SEL1L3: variants seen among roughly 807,000 people sequenced by gnomAD.
The protein encoded by SEL1L3 is protein sel-1 homolog 3.
A neutral mutation model predicts 142.8 loss-of-function variants in SEL1L3; 76 were observed. The observed-to-expected ratio is 0.53, with a 90% confidence interval of 0.44 to 0.64. SEL1L3 has a LOEUF of 0.64. Ranked by LOEUF, SEL1L3 falls within the 30% of genes least tolerant of loss-of-function variation. The pLI is 0.00. For synonymous variants in SEL1L3, 504 were observed against 519.6 expected (o/e 0.97, Z 0.41); for missense variants, 1,262 against 1,381.7 (o/e 0.91, Z 1.37).
In SEL1L3 at chr4:25,783,437, T is replaced by C. The variant is rs1216890776; in HGVS notation, c.2280+791A>G. Among the ~76,000 whole-genome samples, 9 of 152,146 alleles carry C rather than the reference T, an allele frequency of 5.9e-5. 1 individual carries two copies. The highest frequency in any genetic ancestry group is 5.9e-4 in the Admixed American group (9 of 15,274). ...AAATTCAGCATGGTCATTTTAGGAG[T>C]CTTCATCGTTAAGGCAAATATTGGC... On this transcript the variant is annotated intron_variant, in intron 14 of 23. Transcript: ENST00000399878.
At chr4:25,767,996 A>G (rs757187879) in intron 17 of SEL1L3, among the ~76,000 whole-genome samples, 166 bp from the exon 18 acceptor site, 1 of 152,092 alleles carries the variant, frequency 6.6e-6, no homozygotes, top group Non-Finnish European at 1.5e-5. Context: ...TACTGCATGC[A>G]CTGATTTATT....
intron 11 of SEL1L3, among the ~76,000 whole-genome samples, chr4:25,801,859 G>T (rs558546416): frequency 6.6e-6 from 1 of 152,256 alleles, no homozygotes; most frequent in East Asian, 1.9e-4. Flanking sequence ...GACATTGCTT[G>T]CTCATCACAC....
At chr4:25,850,646 T>C (rs1213534687) in intron 1 of SEL1L3, among the ~76,000 whole-genome samples, 1 of 151,590 alleles carries the variant, frequency 6.6e-6, no homozygotes, top group East Asian at 1.9e-4. Flanking sequence ...TTCACACCAG[T>C]ACAGTTTGCA....
chr4:25,765,449 A>C lies in SEL1L3; in HGVS notation c.2846-14T>G. ...TCTTCAAATATGCTGCAGGAAATAAAGCACAGATCCATTTGTCAAGTGGTT... is the reference window on the plus strand; with the variant it reads ...TCTTCAAATATGCTGCAGGAAATAACGCACAGATCCATTTGTCAAGTGGTT... On this transcript the variant is annotated splice_polypyrimidine_tract_variant and intron_variant, in intron 19 of 23. Coordinates refer to ENST00000399878, the MANE Select transcript of SEL1L3 (RefSeq NM_015187.5). The C allele has an allele frequency of 6.5e-7, 1 of 1,534,532 alleles. No homozygotes were observed. Among genetic ancestry groups the C allele is most frequent in the Non-Finnish European group, 9.0e-7 (1 of 1,108,740 alleles).
the SEL1L3 span, among the ~76,000 whole-genome samples, chr4:25,715,093 C>T: frequency 3.9e-5 from 6 of 152,058 alleles, no homozygotes; most frequent in Non-Finnish European, 7.4e-5. Flanking sequence ...AGCAATAATT[C>T]GATAGAAACA....
chr4:25,734,915 A>G, the SEL1L3 span, among the ~76,000 whole-genome samples: 9 of 152,012 alleles, frequency 5.9e-5, no homozygotes, highest in African/African-American at 2.2e-4. Context: ...TTTGTTTACT[A>G]TTTTTGTAAT....
intron 1 of SEL1L3, among the ~76,000 whole-genome samples, chr4:25,858,387 C>T (rs1717408386): frequency 1.3e-5 from 2 of 152,188 alleles, no homozygotes; most frequent in Non-Finnish European, 2.9e-5. Flanking sequence ...TCGTTTTGAT[C>T]TTCTCATGCT....
At position 25,834,008 on chromosome 4, in the gene SEL1L3, C is replaced by T. The variant is rs188160851; in HGVS notation, c.861-439G>A. Among the ~76,000 whole-genome samples, 456 of 152,242 alleles carry T rather than the reference C, an allele frequency of 3.0e-3. 1 individual carries two copies. The highest frequency in any genetic ancestry group is 0.011 in the African/African-American group (438 of 41,550). On this transcript the variant is annotated intron_variant, in intron 3 of 23. Transcript: ENST00000399878. ...CTTTTGAGCAATTTTGTTCCTTTCACAGATAAAAGCCATAAGGTAGAAAAA... is the reference window on the plus strand; with the variant it reads ...CTTTTGAGCAATTTTGTTCCTTTCATAGATAAAAGCCATAAGGTAGAAAAA...
intron 21 of SEL1L3, among the ~76,000 whole-genome samples, chr4:25,758,426 G>A (rs974754286): frequency 1.3e-5 from 2 of 152,092 alleles, no homozygotes; most frequent in African/African-American, 2.4e-5. Flanking sequence ...AGCTGAGATC[G>A]CACCACTGCA....
intron 1 of SEL1L3, among the ~76,000 whole-genome samples, chr4:25,850,962 T>G (rs1374284372): frequency 6.6e-6 from 1 of 152,084 alleles, no homozygotes; most frequent in African/African-American, 2.4e-5. Flanking sequence ...GTGATTCTCC[T>G]GCCTCAGCCT....
At chr4:25,725,993 C>T in the SEL1L3 span, among the ~76,000 whole-genome samples, 1 of 152,070 alleles carries the variant, frequency 6.6e-6, no homozygotes, top group Admixed American at 6.6e-5. Flanking sequence ...CCTCCTATCT[C>T]ATCCTGTGAC....
chr4:25,779,209 A>T lies in SEL1L3; in HGVS notation c.2458-6T>A. 1 of 1,612,430 alleles carries T rather than the reference A, an allele frequency of 6.2e-7. No individual in the cohort carries two copies. Among genetic ancestry groups the T allele is most frequent in the Non-Finnish European group, 8.5e-7 (1 of 1,178,970 alleles). On this transcript the variant is annotated splice_region_variant and splice_polypyrimidine_tract_variant and intron_variant, in intron 15 of 23. Coordinates refer to ENST00000399878, the MANE Select transcript of SEL1L3 (RefSeq NM_015187.5). ...AAATATTCACCAGCTAAAGTCTGTAACAAGAGATGAACAAACATCGAGTCA... is the reference window on the plus strand; with the variant it reads ...AAATATTCACCAGCTAAAGTCTGTATCAAGAGATGAACAAACATCGAGTCA...
chr4:25,843,742 C>T (rs1457610828), intron 2 of SEL1L3, among the ~76,000 whole-genome samples: 1 of 152,340 alleles, frequency 6.6e-6, no homozygotes, highest in African/African-American at 2.4e-5. Flanking sequence ...CAATGGCTAC[C>T]GACTTCTCAT....
intron 16 of SEL1L3, 137 bp from the exon 17 acceptor site, chr4:25,776,497 T>G (rs1478019991): frequency 3.2e-6 from 2 of 618,916 alleles, no homozygotes; most frequent in African/African-American, 3.7e-5. Flanking sequence ...AAACCAGAAC[T>G]GAATGTTAAG....
chr4:25,821,904 G>T, intron 7 of SEL1L3, 92 bp downstream of exon 7: 3 of 1,332,772 alleles, frequency 2.3e-6, no homozygotes, highest in Non-Finnish European at 2.0e-6. Flanking sequence ...GGTCTGGCTT[G>T]GGTAAACTTT....
At position 25,756,489 on chromosome 4, in the gene SEL1L3, T is replaced by C. The variant is rs1331912729; in HGVS notation, c.3259+1045A>G. The C allele has an allele frequency of 3.0e-6, 3 of 984,470 alleles. No individual in the cohort carries two copies. In the African/African-American group the frequency reaches 5.2e-5, roughly 17 times the overall value. 61.0% of individuals were successfully genotyped at this position (984,470 alleles called of 1,614,324 possible). On this transcript the variant is annotated intron_variant, in intron 23 of 23. Coordinates refer to ENST00000399878, the MANE Select transcript of SEL1L3 (RefSeq NM_015187.5). ...GTAAGTATCTTACGTGCATTTTTTT[T>C]CACTTAATATTTTTTTCATTTTATG...
At chr4:25,836,330 A>G (rs979148403) in intron 2 of SEL1L3, among the ~76,000 whole-genome samples, 13 of 152,154 alleles carry the variant, frequency 8.5e-5, no homozygotes, top group African/African-American at 2.9e-4. Context: ...AAGAGAATCC[A>G]CTTAACTCAA....
chr4:25,830,659 G>C (rs774612421), intron 5 of SEL1L3, among the ~76,000 whole-genome samples: 8 of 152,122 alleles, frequency 5.3e-5, no homozygotes, highest in Non-Finnish European at 1.2e-4. Flanking sequence ...AATGCTGTTA[G>C]CTGTCTCATA....
At chr4:25,784,169 C>CGA in intron 14 of SEL1L3, 59 bp downstream of exon 14, 1 of 1,358,910 alleles carries the variant, frequency 7.4e-7, no homozygotes, top group Non-Finnish European at 1.1e-6. Flanking sequence ...TTTAGACGTG[C>CGA]GAGAGCGTGT....
Sources: allele counts gnomAD v4.1 joint callset (sites outside exome capture counted in the v4.1 genomes callset), GRCh38; gene constraint gnomAD v4.1.1; transcripts MANE v1.5; gene names NCBI Gene and HGNC (gene_info 2026-07-23, HGNC 2026-07-21).